The following GRIN1 variants were observed in gnomAD, a reference collection of about 807,000 sequenced individuals.
GRIN1 encodes the protein glutamate receptor ionotropic, NMDA 1.
Under a neutral mutation model 103.0 loss-of-function variants are expected in GRIN1, and 38 were observed. The ratio of observed to expected loss-of-function variants is 0.37; its 90% confidence interval spans 0.28 to 0.48. The LOEUF is 0.48. GRIN1 is among the 20% of genes least tolerant of loss of function. The probability of loss-of-function intolerance (pLI) is 0.98; values close to 1 mark genes in which losing one functional copy is unlikely to be tolerated. For missense variants in GRIN1, 577 were observed against 1,288.9 expected, an observed-to-expected ratio of 0.45 and a Z score of 8.46; for synonymous variants, 544 against 532.7, an observed-to-expected ratio of 1.02 and a Z score of -0.29.
In GRIN1 at chr9:137,144,625, T is replaced by C. The variant is rs573756556; in HGVS notation, c.394-1101T>C. 9.7e-4 allele frequency among the ~76,000 whole-genome samples: 138 copies of C among 142,438 alleles called. No homozygotes were observed. In the Middle Eastern group the frequency reaches 0.013, roughly 13 times the overall value. 93.4% of individuals were successfully genotyped at this position (142,438 alleles called of 152,430 possible). A position where few individuals can be genotyped will look rare whatever the true frequency, so the allele number is the denominator to read the frequency against. On this transcript the variant is annotated intron_variant, in intron 2 of 19. Coordinates refer to ENST00000371561, the MANE Select transcript of GRIN1 (RefSeq NM_007327.4). ...AGCCGAGATTGCACTCCAGCCTGGG[T>C]AACAGTGCGAGACTGTTTAAAAAAA...
At position 137,142,064 on chromosome 9, in the gene GRIN1, C is replaced by T. The variant is rs2131196738; in HGVS notation, c.310C>T (p.Pro104Ser). ...ACCTACCCCCAACGACCACTTCACT[C>T]CCACCCCTGTCTCCTACACAGCCGG... ...HPPTPNDHFT[P>S]TPVSYTAGFY... The change falls in exon 2 of 20, where the codon CCC becomes TCC. Residue 104 changes from proline (P) to serine (S), a missense_variant. Around this residue, in one of 9 missense-constraint regions of GRIN1, gnomAD observed 308 missense variants for 553.6 expected, o/e 0.56. Coordinates refer to ENST00000371561, the MANE Select transcript of GRIN1 (RefSeq NM_007327.4). 1 of 1,614,106 alleles carries T rather than the reference C, an allele frequency of 6.2e-7. No homozygotes were observed. The highest frequency in any genetic ancestry group is 1.7e-5 in the Admixed American group (1 of 60,026).
chr9:137,144,679 CAG>C (rs1320103534), intron 2 of GRIN1, among the ~76,000 whole-genome samples: 1 of 142,968 alleles, frequency 7.0e-6, no homozygotes, highest in Non-Finnish European at 1.5e-5. Context: ...GTGGTGGGGA[CAG>C]GGGTGGGAGA....
Position 137,141,810 on chromosome 9 carries a change from G to A in GRIN1, c.259-203G>A, listed in dbSNP as rs78889075. On this transcript the variant is annotated intron_variant, in intron 1 of 19. Transcript: ENST00000371561. ...CCCTAGTCAGCAGTGTGAGAGGAGT[G>A]AGGGGAGGTCCGGGTGGGGTCTCCC... Among the ~76,000 whole-genome samples, 5,046 of 152,284 alleles carry A rather than the reference G, an allele frequency of 0.033. 151 individuals are homozygous for A. Among genetic ancestry groups the A allele is most frequent in the Admixed American group, 0.071 (1,094 of 15,308 alleles).
intron 4 of GRIN1, among the ~76,000 whole-genome samples, chr9:137,151,054 C>G (rs1161277707): frequency 4.2e-5 from 5 of 118,682 alleles, no homozygotes; most frequent in Non-Finnish European, 6.8e-5. Flanking sequence ...CAGAAAAAGT[C>G]CCGCCCAGGG....
intron 8 of GRIN1, among the ~76,000 whole-genome samples, chr9:137,160,316 C>A (rs1833461239): frequency 6.6e-6 from 1 of 152,204 alleles, no homozygotes; most frequent in South Asian, 2.1e-4. Context: ...TGTGGACATG[C>A]CCCTGTCCTC....
At chr9:137,149,756 G>C (rs1213243936) in intron 4 of GRIN1, among the ~76,000 whole-genome samples, 2 of 152,184 alleles carry the variant, frequency 1.3e-5, no homozygotes, top group African/African-American at 4.8e-5. Flanking sequence ...GGCAGGGTGA[G>C]GAGCCTTGCC....
intron 8 of GRIN1, among the ~76,000 whole-genome samples, chr9:137,160,691 A>G (rs1032363783): frequency 6.6e-6 from 1 of 152,126 alleles, no homozygotes; most frequent in Admixed American, 6.5e-5. Flanking sequence ...CGGCCTCCCA[A>G]AGTGCTGGGA....
At chr9:137,150,049 AGC>A (rs1253658623) in intron 4 of GRIN1, among the ~76,000 whole-genome samples, 1 of 152,192 alleles carries the variant, frequency 6.6e-6, no homozygotes, top group Non-Finnish European at 1.5e-5. Flanking sequence ...GAATCTCCCC[AGC>A]CCAAGGTAGG....
intron 4 of GRIN1, among the ~76,000 whole-genome samples, chr9:137,154,744 G>A (rs553865046): frequency 1.3e-5 from 2 of 152,090 alleles, no homozygotes; most frequent in African/African-American, 2.4e-5. Context: ...CAGTTACTGC[G>A]CCTGGCCTCA....
rs1833527145 is a variant in GRIN1, at chr9:137,161,277, G to A, written c.1340-12G>A. The stretch of plus-strand genomic sequence containing the variant: ...GTCTGGAGCCCAGCAGTTACCGCCC[G>A]CACCTACCCAGCCCGCCACACGGTG... On this transcript the variant is annotated splice_polypyrimidine_tract_variant and intron_variant, in intron 9 of 19. Transcript: ENST00000371561. 6.2e-7 allele frequency: 1 copy of A among 1,611,732 alleles called. No individual in the cohort carries two copies. The highest frequency in any genetic ancestry group is 8.5e-7 in the Non-Finnish European group (1 of 1,179,462).
rs141473515 is a variant in GRIN1, at chr9:137,156,765, G to A, written c.768G>A (p.Gly256=). Residue 256 remains glycine, a synonymous_variant, in exon 5 of 20, where the codon GGG becomes GGA. Coordinates refer to ENST00000371561, the MANE Select transcript of GRIN1 (RefSeq NM_007327.4). ...TGGTCGGCGAGCGCGAGATCTCGGG[G>A]AACGCCCTGCGCTACGCCCCAGACG... ...VWLVGEREIS[G]NALRYAPDGI... is the part of the protein sequence containing the mutation. 6.3e-7 allele frequency: 1 copy of A among 1,589,428 alleles called. No individual in the cohort carries two copies. Among genetic ancestry groups the A allele is most frequent in the South Asian group, 1.1e-5 (1 of 87,806 alleles).
chr9:137,156,699 A>G lies in GRIN1; in HGVS notation c.702A>G (p.Ala234=), dbSNP rs1301805363. 1 of 1,597,292 alleles carries G rather than the reference A, an allele frequency of 6.3e-7. No homozygotes were observed. Among genetic ancestry groups the G allele is most frequent in the South Asian group, 1.1e-5 (1 of 88,414 alleles). The part of the protein sequence containing the change: ...SEDDAATVYR[A]AAMLNMTGSG... ...ACGATGCTGCCACTGTATACCGCGC[A>G]GCCGCGATGCTGAACATGACGGGCT... The change falls in exon 5 of 20, where the codon GCA becomes GCG. Residue 234 remains alanine (A), a synonymous_variant. Coordinates refer to ENST00000371561, the MANE Select transcript of GRIN1 (RefSeq NM_007327.4).
At chr9:137,158,194 C>A (rs528119555) in intron 6 of GRIN1, among the ~76,000 whole-genome samples, 185 bp from the exon 7 acceptor site, 1 of 152,190 alleles carries the variant, frequency 6.6e-6, no homozygotes, top group Non-Finnish European at 1.5e-5. Context: ...CAGGGTCTGG[C>A]GTCTGCTGAT....
Position 137,158,680 on chromosome 9 carries a change from G to T in GRIN1, c.1173G>T (p.Gly391=), listed in dbSNP as rs1588721639. 1.2e-6 allele frequency: 2 copies of T among 1,612,752 alleles called. No individual in the cohort carries two copies. Among genetic ancestry groups the T allele is most frequent in the East Asian group, 4.5e-5 (2 of 44,882 alleles). The change falls in exon 8 of 20, where the codon GGG becomes GGT. Residue 391 remains glycine, a synonymous_variant. Coordinates refer to ENST00000371561, the MANE Select transcript of GRIN1 (RefSeq NM_007327.4). The part of the protein sequence containing the change: ...WPGGETEKPR[G]YQMSTRLKIV... The stretch of plus-strand genomic sequence containing the variant: ...GCGGAGAGACAGAGAAGCCTCGAGG[G>T]TACCAGATGTCCACCAGACTGAAGG...
At position 137,161,192 on chromosome 9, in the gene GRIN1, G is replaced by A. The variant is rs147435860; in HGVS notation, c.1334G>A (p.Gly445Asp). ...ACCGGGCCCAACGACACGTCGCCGG[G>A]CAGCCGTGAGTGCGCGGGGCAGGGC... ...ICTGPNDTSPGSPRHTVPQCC... is the reference protein window; with the variant it reads ...ICTGPNDTSPDSPRHTVPQCC... Residue 445 changes from glycine to aspartate, a missense_variant, in exon 9 of 20, where the codon GGC becomes GAC. Around this residue, in one of 9 missense-constraint regions of GRIN1, gnomAD observed 96 missense variants for 145.0 expected, o/e 0.66. Transcript: ENST00000371561. 2 of 1,608,952 alleles carry A rather than the reference G, an allele frequency of 1.2e-6. No individual in the cohort carries two copies. Among genetic ancestry groups the A allele is most frequent in the South Asian group, 2.2e-5 (2 of 90,860 alleles).
chr9:137,141,845 C>G (rs573011055), intron 1 of GRIN1, among the ~76,000 whole-genome samples, 168 bp from the exon 2 acceptor site: 10 of 152,278 alleles, frequency 6.6e-5, no homozygotes, highest in African/African-American at 2.2e-4. Flanking sequence ...CTCCCCTGCC[C>G]TGTGGGCATG....
At position 137,145,902 on chromosome 9, in the gene GRIN1, G is replaced by A. The variant is rs201773115; in HGVS notation, c.570G>A (p.Lys190=). The A allele has an allele frequency of 1.9e-6, 3 of 1,596,580 alleles. No individual in the cohort carries two copies. The highest frequency in any genetic ancestry group is 2.3e-5 in the East Asian group (1 of 44,068). Residue 190 remains lysine, a splice_region_variant and synonymous_variant, in exon 3 of 20, where the codon AAG becomes AAA. Coordinates refer to ENST00000371561, the MANE Select transcript of GRIN1 (RefSeq NM_007327.4). ...CGCTGCTGGAGGAGCGTGAGTCCAA[G>A]GTGAGGGTCGGCGCCGCGGGTGGGC... ...LETLLEERES[K]AEKVLQFDPG...
rs1335995457 is a variant in GRIN1, at chr9:137,167,431, C to T, written c.2721C>T (p.Gly907=). 1.3e-6 allele frequency: 2 copies of T among 1,559,222 alleles called. No homozygotes were observed. Among genetic ancestry groups the T allele is most frequent in the African/African-American group, 1.4e-5 (1 of 73,638 alleles). ...SKDTSTGGGR[G]ALQNQKDTVL... is the part of the protein sequence containing the mutation. ...TATAGAGCACCGGGGGTGGACGCGGCGCTTTGCAAAACCAAAAAGACACAG... is the reference window on the plus strand; with the variant it reads ...TATAGAGCACCGGGGGTGGACGCGGTGCTTTGCAAAACCAAAAAGACACAG... The change falls in exon 20 of 20, where the codon GGC becomes GGT. Residue 907 remains glycine, a synonymous_variant. Coordinates refer to ENST00000371561, the MANE Select transcript of GRIN1 (RefSeq NM_007327.4).
Position 137,139,860 on chromosome 9 carries a change from G to C in GRIN1, c.258+116G>C. On this transcript the variant is annotated intron_variant, in intron 1 of 19. Transcript: ENST00000371561. The surrounding 1 kb of genome is among the most constrained non-coding windows in gnomAD (Gnocchi z 7.7). Reference sequence around the variant, plus strand: ...TTCCTCCCTGTAAGACACCACCCCAGAGTCAGCTGGCTGCTTCCGGGAGGC... The same window carrying C: ...TTCCTCCCTGTAAGACACCACCCCACAGTCAGCTGGCTGCTTCCGGGAGGC... 1.2e-6 allele frequency: 1 copy of C among 835,080 alleles called. No individual in the cohort carries two copies. Among genetic ancestry groups the C allele is most frequent in the Non-Finnish European group, 2.0e-6 (1 of 502,648 alleles). The allele number at this position is 835,080 out of a possible 1,614,324, so 51.7% of individuals were successfully genotyped here.
Sources: gnomAD v4.1 joint callset for allele counts (sites outside exome capture counted in the v4.1 genomes callset) on GRCh38, gnomAD v4.1.1 for gene constraint, gnomAD v4.1.1 regional missense constraint, Gnocchi (gnomAD v3.1) non-coding constraint, MANE v1.5 for transcripts, NCBI Gene and HGNC (gene_info 2026-07-23, HGNC 2026-07-21) for gene names.